The following EFTUD2 variants were observed in gnomAD, a reference collection of about 807,000 sequenced individuals.
EFTUD2 encodes the protein 116 kDa U5 small nuclear ribonucleoprotein component.
Under a neutral mutation model 114.3 loss-of-function variants are expected in EFTUD2, and 9 were observed. That is an observed-to-expected ratio of 0.08 (90% confidence interval 0.05 to 0.14). The LOEUF (loss-of-function observed/expected upper bound fraction) is 0.14, where lower values mean the gene tolerates loss of function less well. Ranked by LOEUF, EFTUD2 falls within the 10% of genes least tolerant of loss-of-function variation. EFTUD2 has a pLI of 1.00. For missense variants in EFTUD2, 765 were observed against 1,241.2 expected, an observed-to-expected ratio of 0.62 and a Z score of 5.76; for synonymous variants, 449 against 462.3, an observed-to-expected ratio of 0.97 and a Z score of 0.37.
At chr17:44,894,380 A>G (rs767269177) in intron 2 of EFTUD2, 37 bp downstream of exon 2, 25 of 1,499,726 alleles carry the variant, frequency 1.7e-5, no homozygotes, top group African/African-American at 4.1e-5. Context: ...AATAAAATAA[A>G]TAAGAGTGAG....
intron 10 of EFTUD2, chr17:44,873,261 C>T (rs1009733173): frequency 3.9e-5 from 6 of 152,144 alleles, no homozygotes; most frequent in African/African-American, 1.4e-4. Context: ...AGTTATGCTC[C>T]CTAGAGGCAA....
rs1325528851 is a variant in EFTUD2 at position 44,880,692 on chromosome 17, T to G, written c.529-48A>C. On this transcript the variant is annotated intron_variant, in intron 7 of 27. Transcript: ENST00000426333. ...AAGACCTCTTCCTATGCAAGAGGGG[T>G]TCATTTTGTTTTTGGGGCTCCCCAG... 7 of 1,525,240 alleles carry G rather than the reference T, an allele frequency of 4.6e-6. No homozygotes were observed. The African/African-American group carries it at 9.6e-5, about 21-fold the overall frequency. The allele number at this position is 1,525,240 out of a possible 1,614,324, so 94.5% of individuals were successfully genotyped here.
chr17:44,858,779 T>C (rs1216460106), intron 19 of EFTUD2, among the ~76,000 whole-genome samples: 3 of 152,006 alleles, frequency 2.0e-5, no homozygotes, highest in Non-Finnish European at 4.4e-5. Context: ...GTAGAGGCAG[T>C]GTCTCACTTT....
chr17:44,894,183 C>A, intron 2 of EFTUD2: 2 of 439,328 alleles, frequency 4.6e-6, no homozygotes, highest in Admixed American at 3.4e-5. Flanking sequence ...CAAGACCAGC[C>A]TGGGCAATGT....
chr17:44,861,705 G>A (rs543666334), intron 16 of EFTUD2, among the ~76,000 whole-genome samples: 1 of 152,072 alleles, frequency 6.6e-6, no homozygotes, highest in African/African-American at 2.4e-5. Context: ...CTGCACTCCA[G>A]GTTGGGCGAC....
At chr17:44,894,152 G>A in intron 2 of EFTUD2, 1 of 356,528 alleles carries the variant, frequency 2.8e-6, no homozygotes, top group Non-Finnish European at 5.2e-6. Context: ...AAGGCAGGTG[G>A]ACTGCTCGAG....
chr17:44,886,286 T>C (rs888378753), intron 3 of EFTUD2, among the ~76,000 whole-genome samples: 2 of 152,034 alleles, frequency 1.3e-5, no homozygotes, highest in Non-Finnish European at 2.9e-5. Flanking sequence ...GTTAAAAGGG[T>C]TGGAGTTATT....
chr17:44,866,610 C>T (rs949112112), intron 13 of EFTUD2, among the ~76,000 whole-genome samples: 5 of 152,094 alleles, frequency 3.3e-5, no homozygotes, highest in African/African-American at 1.2e-4. Context: ...AACTCCTGGA[C>T]TCAAGTGATC....
In EFTUD2 at chr17:44,865,031, G is replaced by T; in HGVS notation, c.1184C>A (p.Thr395Asn). The T allele has an allele frequency of 6.2e-7, 1 of 1,614,192 alleles. No homozygotes were observed. The highest frequency in any genetic ancestry group is 1.1e-5 in the South Asian group (1 of 91,082). ...CAGGTGGATGCCAAGCTCGTCTAGG[G>T]TCCGTGGGAGGCTGGTGTCCACGTC... ...VGDVDTSLPRTLDELGIHLTK... is the reference protein window; with the variant it reads ...VGDVDTSLPRNLDELGIHLTK... The change falls in exon 14 of 28, where the codon ACC becomes AAC. Residue 395 changes from threonine to asparagine, a missense_variant. By Grantham distance (65) the Thr-to-Asn change is moderately conservative. Around this residue, in one of 6 missense-constraint regions of EFTUD2, gnomAD observed 251 missense variants for 357.7 expected, o/e 0.70. Transcript: ENST00000426333.
At chr17:44,864,018 C>T (rs2050702708) in intron 14 of EFTUD2, 2 of 398,316 alleles carry the variant, frequency 5.0e-6, no homozygotes, top group South Asian at 7.3e-5. Flanking sequence ...GTACATGGTT[C>T]CTTGGAACTC....
At chr17:44,869,183 TGTTA>T (rs1463863320) in intron 11 of EFTUD2, among the ~76,000 whole-genome samples, 2 of 152,238 alleles carry the variant, frequency 1.3e-5, no homozygotes, top group African/African-American at 4.8e-5. Context: ...TTCCCTACTC[TGTTA>T]ATTACCAAAT....
At chr17:44,853,766 G>A (rs1486203499) in intron 23 of EFTUD2, 131 bp from the exon 24 acceptor site, 1 of 1,497,228 alleles carries the variant, frequency 6.7e-7, no homozygotes, top group Non-Finnish European at 8.9e-7. Flanking sequence ...AAATCAAATG[G>A]GAGGTGGGCG....
In EFTUD2 at chr17:44,851,091, G is replaced by A. The variant is rs909836658; in HGVS notation, c.*183C>T. On this transcript the variant is annotated 3_prime_UTR_variant, in exon 28 of 28. Transcript: ENST00000426333. ...CCGGCAGAGGCCACAGAAGGAAGCA[G>A]GAGGCCAAATGCTCCTCTCTCACTG... 1 of 577,628 alleles carries A rather than the reference G, an allele frequency of 1.7e-6. No individual in the cohort carries two copies. Among genetic ancestry groups the A allele is most frequent in the Non-Finnish European group, 3.1e-6 (1 of 321,934 alleles). The allele number at this position is 577,628 out of a possible 1,614,324, so 35.8% of individuals were successfully genotyped here.
chr17:44,860,538 T>A lies in EFTUD2; in HGVS notation c.1613A>T (p.His538Leu). ...GRLWISVARY[H>L]IEVNRVPAGN... ...AGCAGGAACACGGTTCACCTCGATG[T>A]GGTACCTGAAGCAATGTCCAATAAG... The change falls in exon 17 of 28, where the codon CAC (histidine) becomes CTC (leucine). Residue 538 changes from histidine to leucine, a missense_variant. By Grantham distance (99) the His-to-Leu change is moderately conservative. Around this residue, in one of 6 missense-constraint regions of EFTUD2, gnomAD observed 149 missense variants for 245.1 expected, o/e 0.61. Transcript: ENST00000426333. The A allele has an allele frequency of 1.9e-6, 3 of 1,608,978 alleles. No individual in the cohort carries two copies. The highest frequency in any genetic ancestry group is 2.6e-6 in the Non-Finnish European group (3 of 1,175,718).
intron 10 of EFTUD2, among the ~76,000 whole-genome samples, chr17:44,875,415 G>A (rs185236625): frequency 3.3e-5 from 5 of 151,994 alleles, no homozygotes; most frequent in Non-Finnish European, 7.4e-5. Context: ...CTGTAGTCCC[G>A]GCTACTTGAG....
intron 26 of EFTUD2, among the ~76,000 whole-genome samples, 188 bp downstream of exon 26, chr17:44,852,221 T>C: frequency 6.6e-6 from 1 of 151,840 alleles, no homozygotes; most frequent in African/African-American, 2.4e-5. Flanking sequence ...CCGGCCCTAT[T>C]ATTTCTTTTT....
At chr17:44,857,921 T>C (rs1005494682) in intron 19 of EFTUD2, among the ~76,000 whole-genome samples, 32 of 94,180 alleles carry the variant, frequency 3.4e-4, no homozygotes, top group East Asian at 3.4e-3. Flanking sequence ...TTCTTTTTCC[T>C]TTTTTTTTTT....
At chr17:44,872,315 G>T in intron 11 of EFTUD2, 131 bp downstream of exon 11, 1 of 1,225,886 alleles carries the variant, frequency 8.2e-7, no homozygotes, top group Non-Finnish European at 1.2e-6. Flanking sequence ...ACCCCCAAAT[G>T]TGATAATAAC....
At chr17:44,859,341 G>A (rs2050614528) in intron 18 of EFTUD2, 160 bp from the exon 19 acceptor site, 3 of 640,446 alleles carry the variant, frequency 4.7e-6, no homozygotes, top group Non-Finnish European at 8.5e-6. Context: ...AGGAGCATCT[G>A]CCTATGAGTG....
Sources: gnomAD v4.1 joint callset for allele counts (sites outside exome capture counted in the v4.1 genomes callset) on GRCh38, gnomAD v4.1.1 for gene constraint, gnomAD v4.1.1 regional missense constraint, MANE v1.5 for transcripts, NCBI Gene and HGNC (gene_info 2026-07-23, HGNC 2026-07-21) for gene names.